The following ROBO1 variants were observed in gnomAD, a reference collection of about 807,000 sequenced individuals.
ROBO1 encodes roundabout homolog 1.
A neutral mutation model predicts 195.9 loss-of-function variants in ROBO1; 149 were observed. The ratio of observed to expected loss-of-function variants is 0.76; its 90% CI spans 0.67 to 0.87. The LOEUF (loss-of-function observed/expected upper bound fraction) is 0.87. Among genes scored for constraint, ROBO1 ranks in the 40% least tolerant of loss-of-function variants. The probability of loss-of-function intolerance (pLI) is 0.00; values close to 1 mark genes in which losing one functional copy is unlikely to be tolerated. For synonymous variants in ROBO1, 816 were observed against 733.2 expected, an observed-to-expected ratio of 1.11 and a Z score of -1.82; for missense variants, 1,933 against 2,068.3, an observed-to-expected ratio of 0.93 and a Z score of 1.27.
At chr3:79,045,887 GA>G (rs200897776) in intron 3 of ROBO1, among the ~76,000 whole-genome samples, 1,918 of 152,112 alleles carry the variant, frequency 0.013, 42 homozygotes, top group African/African-American at 0.044. Flanking sequence ...TTTTGATGAG[GA>G]AAAAGTTATT....
chr3:78,885,666 T>C (rs2036515952), intron 4 of ROBO1, among the ~76,000 whole-genome samples: 1 of 150,834 alleles, frequency 6.6e-6, no homozygotes, highest in African/African-American at 2.4e-5. Context: ...CTATATGAGG[T>C]AGATACTATT....
intron 4 of ROBO1, among the ~76,000 whole-genome samples, chr3:78,865,249 C>A (rs1559939513): frequency 1.3e-5 from 2 of 152,074 alleles, no homozygotes; most frequent in Admixed American, 6.5e-5. Flanking sequence ...AAATAAATAA[C>A]AATAAATTGC....
chr3:78,673,944 T>C (rs1708248229), intron 10 of ROBO1, among the ~76,000 whole-genome samples: 1 of 152,030 alleles, frequency 6.6e-6, no homozygotes, highest in Non-Finnish European at 1.5e-5. Flanking sequence ...TAAAATATTA[T>C]TATTCCATTT....
chr3:78,917,986 G>A (rs2038719139), intron 4 of ROBO1, among the ~76,000 whole-genome samples: 1 of 152,102 alleles, frequency 6.6e-6, no homozygotes, highest in South Asian at 2.1e-4. Context: ...GTTTGTGATT[G>A]TTGTATTTCT....
chr3:78,682,452 T>C, intron 10 of ROBO1, among the ~76,000 whole-genome samples: 2 of 145,596 alleles, frequency 1.4e-5, no homozygotes, highest in East Asian at 3.9e-4. Context: ...TGTGTGTATA[T>C]GTATATATAT....
intron 1 of ROBO1, among the ~76,000 whole-genome samples, chr3:79,632,645 A>G (rs1277030683): frequency 3.3e-5 from 5 of 152,162 alleles, no homozygotes; most frequent in African/African-American, 1.2e-4. Context: ...TCCAAAATGG[A>G]TCACAGAAGC....
chr3:78,611,910 C>A (rs1432088310), intron 28 of ROBO1, among the ~76,000 whole-genome samples: 1 of 152,132 alleles, frequency 6.6e-6, no homozygotes, highest in African/African-American at 2.4e-5. Context: ...CAGAAGAAAC[C>A]ACTCCTACTG....
intron 1 of ROBO1, among the ~76,000 whole-genome samples, chr3:79,669,864 G>T (rs1946582797): frequency 6.6e-6 from 1 of 151,868 alleles, no homozygotes; most frequent in Admixed American, 6.6e-5. Context: ...AGTTTTAGTA[G>T]AATAGGGGCT....
At chr3:79,474,750 A>G (rs1938462303) in intron 2 of ROBO1, among the ~76,000 whole-genome samples, 1 of 152,140 alleles carries the variant, frequency 6.6e-6, no homozygotes, top group Non-Finnish European at 1.5e-5. Flanking sequence ...TTTAGAATAT[A>G]TAATACATTT....
At chr3:79,015,073 T>G (rs2077889473) in intron 3 of ROBO1, among the ~76,000 whole-genome samples, 1 of 152,166 alleles carries the variant, frequency 6.6e-6, no homozygotes, top group African/African-American at 2.4e-5. Flanking sequence ...TAGCAAAGAC[T>G]AAGAAAAAAC....
intron 2 of ROBO1, among the ~76,000 whole-genome samples, chr3:79,535,587 T>C (rs1012405128): frequency 6.6e-6 from 1 of 152,320 alleles, no homozygotes. Context: ...TCTGCTGTTA[T>C]TTTGGCAGCA....
intron 3 of ROBO1, among the ~76,000 whole-genome samples, chr3:79,121,462 A>C (rs563445681): frequency 6.6e-6 from 1 of 152,106 alleles, no homozygotes; most frequent in African/African-American, 2.4e-5. Context: ...ATAAGAGAAT[A>C]TATTTTGTTT....
intron 3 of ROBO1, among the ~76,000 whole-genome samples, chr3:78,964,995 T>C (rs891781843): frequency 2.0e-5 from 3 of 151,780 alleles, no homozygotes; most frequent in Non-Finnish European, 4.4e-5. Context: ...ACGCAAAAAA[T>C]ATTGTCAATT....
intron 2 of ROBO1, among the ~76,000 whole-genome samples, chr3:79,445,552 T>A (rs2107158739): frequency 7.0e-6 from 1 of 143,810 alleles, no homozygotes; most frequent in Middle Eastern, 3.7e-3. Context: ...CAGGCTGGAG[T>A]GTAGTGGTGT....
At position 79,589,861 on chromosome 3, in the gene ROBO1, T is replaced by C. The variant is rs1399378518; in HGVS notation, c.51A>G (p.Leu17=). Residue 17 remains leucine, a synonymous_variant, in exon 2 of 31, where the codon TTA becomes TTG. Transcript: ENST00000464233. ...PFLVMISLLS[L]SPNHLFLAQL... The stretch of plus-strand genomic sequence containing the variant: ...GGGCCAGAAACAGGTGATTTGGGGA[T>C]AAGCTGAGGAGTGATATCATGACCA... The C allele has an allele frequency of 6.2e-7, 1 of 1,611,250 alleles. No individual in the cohort carries two copies. Among genetic ancestry groups the C allele is most frequent in the Non-Finnish European group, 8.5e-7 (1 of 1,178,042 alleles).
chr3:79,613,438 T>C (rs925740394), intron 1 of ROBO1, among the ~76,000 whole-genome samples: 3 of 151,878 alleles, frequency 2.0e-5, no homozygotes, highest in Admixed American at 2.0e-4. Context: ...TAAAACAAAA[T>C]CATTAGAAAT....
chr3:78,948,522 A>G (rs879637178), intron 3 of ROBO1, among the ~76,000 whole-genome samples: 6 of 152,216 alleles, frequency 3.9e-5, no homozygotes, highest in African/African-American at 1.4e-4. Flanking sequence ...TCTCAAAATA[A>G]TAAGAGTTAT....
At chr3:78,983,110 T>G (rs2077034927) in intron 3 of ROBO1, among the ~76,000 whole-genome samples, 1 of 152,150 alleles carries the variant, frequency 6.6e-6, no homozygotes, top group South Asian at 2.1e-4. Flanking sequence ...GGTATCACCA[T>G]GTTACCCAGG....
chr3:79,587,591 G>A (rs1026303607), intron 2 of ROBO1, among the ~76,000 whole-genome samples: 6 of 151,600 alleles, frequency 4.0e-5, no homozygotes, highest in Non-Finnish European at 8.9e-5. Flanking sequence ...TTAAGAGAAA[G>A]AGTGGAAAAA....
Sources: gnomAD v4.1 joint callset for allele counts (sites outside exome capture counted in the v4.1 genomes callset) on GRCh38, gnomAD v4.1.1 for gene constraint, MANE v1.5 for transcripts, NCBI Gene and HGNC (gene_info 2026-07-23, HGNC 2026-07-21) for gene names.